TMEM156: variants seen among roughly 807,000 people sequenced by gnomAD.
The protein encoded by TMEM156 is transmembrane protein 156.
A neutral mutation model predicts 30.5 loss-of-function variants in TMEM156; 28 were observed. The observed-to-expected ratio is 0.92, with a 90% CI of 0.68 to 1.26. The LOEUF is 1.26. TMEM156 is among the 50% of genes most tolerant of loss of function. The probability of loss-of-function intolerance (pLI) is 0.00; values close to 1 mark genes in which losing one functional copy is unlikely to be tolerated. For missense variants in TMEM156, 351 were observed against 340.6 expected, an observed-to-expected ratio of 1.03 and a Z score of -0.24; for synonymous variants, 137 against 119.9, an observed-to-expected ratio of 1.14 and a Z score of -0.93.
At chr4:39,013,373 GTTTATTTA>G (rs71192811) in intron 1 of TMEM156, among the ~76,000 whole-genome samples, 61,010 of 140,994 alleles carry the variant, frequency 0.43, 13,786 homozygotes, top group East Asian at 0.51. Context: ...GACATAATTG[GTTTATTTA>G]TTTATTTATT....
intron 3 of TMEM156, among the ~76,000 whole-genome samples, chr4:38,989,935 A>G (rs1186903596): frequency 6.6e-6 from 1 of 152,082 alleles, no homozygotes; most frequent in Non-Finnish European, 1.5e-5. Context: ...AGGGGATTAC[A>G]GGTGCTCACC....
At chr4:39,003,610 A>C (rs1397896456) in intron 1 of TMEM156, among the ~76,000 whole-genome samples, 1 of 151,640 alleles carries the variant, frequency 6.6e-6, no homozygotes, top group African/African-American at 2.4e-5. Context: ...CTGGGATCTT[A>C]ATATATTTAT....
intron 1 of TMEM156, among the ~76,000 whole-genome samples, chr4:39,027,547 ATTCC>A (rs981440173): frequency 2.3e-4 from 30 of 130,672 alleles, no homozygotes; most frequent in Admixed American, 2.3e-3. Context: ...CATCTATACT[ATTCC>A]TTTTTTTTTT....
intron 1 of TMEM156, among the ~76,000 whole-genome samples, chr4:39,001,413 G>A (rs1268796144): frequency 8.8e-5 from 13 of 148,404 alleles, no homozygotes; most frequent in African/African-American, 2.7e-4. Flanking sequence ...AAAAAAGAAA[G>A]AAAACAACTG....
At chr4:38,988,205 T>A (rs879699734) in intron 4 of TMEM156, among the ~76,000 whole-genome samples, 1 of 152,188 alleles carries the variant, frequency 6.6e-6, no homozygotes, top group Admixed American at 6.5e-5. Flanking sequence ...CTACAGCCAC[T>A]CTGCTCAAGA....
intron 5 of TMEM156, among the ~76,000 whole-genome samples, chr4:38,979,822 G>C (rs7692978): frequency 0.086 from 13,085 of 152,226 alleles, 815 homozygotes; most frequent in Admixed American, 0.17. Context: ...TGATGGTTTA[G>C]TGATTCTTAT....
intron 2 of TMEM156, among the ~76,000 whole-genome samples, chr4:38,997,702 T>C (rs1278612362): frequency 6.6e-6 from 1 of 152,254 alleles, no homozygotes; most frequent in Non-Finnish European, 1.5e-5. Context: ...AATTAAATAA[T>C]ATAGATTGGT....
intron 5 of TMEM156, among the ~76,000 whole-genome samples, chr4:38,973,487 C>G (rs1272030182): frequency 6.6e-6 from 1 of 151,932 alleles, no homozygotes; most frequent in African/African-American, 2.4e-5. Context: ...TACAGTGTAT[C>G]CTCTAACTGG....
chr4:39,024,751 GT>G (rs1264543201), intron 1 of TMEM156, among the ~76,000 whole-genome samples: 1 of 152,190 alleles, frequency 6.6e-6, no homozygotes, highest in Non-Finnish European at 1.5e-5. Flanking sequence ...GAAATCATCT[GT>G]ACAACAAACC....
intron 1 of TMEM156, among the ~76,000 whole-genome samples, chr4:39,027,299 G>A (rs1229199944): frequency 6.6e-6 from 1 of 152,054 alleles, no homozygotes; most frequent in African/African-American, 2.4e-5. Flanking sequence ...CCCTTGATGT[G>A]GTGGTCATTA....
chr4:38,979,310 C>A (rs1045876358), intron 5 of TMEM156, among the ~76,000 whole-genome samples: 2 of 152,220 alleles, frequency 1.3e-5, no homozygotes, highest in Non-Finnish European at 2.9e-5. Context: ...TTGCCCCACA[C>A]GTTCCATTCA....
In TMEM156 at chr4:39,007,173, G is replaced by T. The variant is rs7662121; in HGVS notation, c.89-8264C>A. ...AGTCCATTTTTCCATCTTTGCAAAGGTATCATGCTGGCAAACTACTTTTCC... is the reference window on the plus strand; with the variant it reads ...AGTCCATTTTTCCATCTTTGCAAAGTTATCATGCTGGCAAACTACTTTTCC... On this transcript the variant is annotated intron_variant, in intron 1 of 6. Transcript: ENST00000381938. Among the ~76,000 whole-genome samples the T allele has an allele frequency of 6.6e-4, 101 of 151,902 alleles. 1 individual carries two copies. The highest frequency in any genetic ancestry group is 6.6e-3 in the Admixed American group (101 of 15,242).
At chr4:38,971,236 T>C (rs1218457493) in intron 5 of TMEM156, 99 bp from the exon 6 acceptor site, 5 of 1,128,558 alleles carry the variant, frequency 4.4e-6, no homozygotes, top group Non-Finnish European at 6.5e-6. Flanking sequence ...AAGCATGCTC[T>C]ACCTCTAGAA....
At chr4:39,020,241 T>C (rs887146034) in intron 1 of TMEM156, among the ~76,000 whole-genome samples, 1 of 152,194 alleles carries the variant, frequency 6.6e-6, no homozygotes, top group Non-Finnish European at 1.5e-5. Flanking sequence ...ATCTGGACTA[T>C]TGTGAGTAAT....
chr4:38,974,654 A>AT (rs964502128), intron 5 of TMEM156, among the ~76,000 whole-genome samples: 5 of 147,256 alleles, frequency 3.4e-5, no homozygotes, highest in African/African-American at 1.0e-4. Flanking sequence ...TTAACTGAAG[A>AT]TTTTTTTTAA....
intron 3 of TMEM156, among the ~76,000 whole-genome samples, chr4:38,990,851 T>G (rs1326232738): frequency 1.4e-5 from 2 of 143,246 alleles, no homozygotes; most frequent in Non-Finnish European, 3.1e-5. Flanking sequence ...TTTTTTTTTT[T>G]TTGAGAGGGA....
At chr4:39,013,128 G>T (rs930559694) in intron 1 of TMEM156, among the ~76,000 whole-genome samples, 1 of 150,508 alleles carries the variant, frequency 6.6e-6, no homozygotes, top group Non-Finnish European at 1.5e-5. Flanking sequence ...GTGAGACCTC[G>T]TCTCTATAAA....
At chr4:38,972,242 A>ATTTTTTTTTTTTTTTTTTT (rs144479056) in intron 5 of TMEM156, among the ~76,000 whole-genome samples, 2 of 75,816 alleles carry the variant, frequency 2.6e-5, no homozygotes, top group Non-Finnish European at 4.6e-5. Flanking sequence ...TTCTCTGGGA[A>ATTTTTTTTTTTTTTTTTTT]TTTTTTTTTT....
At chr4:39,006,185 T>TAGTG (rs1713724759) in intron 1 of TMEM156, among the ~76,000 whole-genome samples, 1 of 152,200 alleles carries the variant, frequency 6.6e-6, no homozygotes, top group Non-Finnish European at 1.5e-5. Flanking sequence ...CATGAACCAC[T>TAGTG]GCCTGGCAGT....
Sources: gnomAD v4.1 joint callset for allele counts (sites outside exome capture counted in the v4.1 genomes callset) on GRCh38, gnomAD v4.1.1 for gene constraint, MANE v1.5 for transcripts, NCBI Gene and HGNC (gene_info 2026-07-23, HGNC 2026-07-21) for gene names.